LCORL: variants seen among roughly 807,000 people sequenced by gnomAD.
The protein encoded by LCORL is ligand dependent nuclear receptor corepressor like.
Under a neutral mutation model 141.8 loss-of-function variants are expected in LCORL, and 41 were observed. The observed-to-expected ratio is 0.29, with a 90% CI of 0.23 to 0.38. The LOEUF (loss-of-function observed/expected upper bound fraction) is 0.38. Ranked by LOEUF, LCORL falls within the 10% of genes least tolerant of loss-of-function variation. The probability of loss-of-function intolerance (pLI) is 1.00; values close to 1 mark genes in which losing one functional copy is unlikely to be tolerated. For synonymous variants in LCORL, 618 were observed against 694.1 expected (o/e 0.89, Z 1.72); for missense variants, 1,759 against 2,035.0 (o/e 0.86, Z 2.61).
At chr4:18,008,574 TG>T (rs1723179150) in intron 1 of LCORL, among the ~76,000 whole-genome samples, 1 of 152,232 alleles carries the variant, frequency 6.6e-6, no homozygotes, top group Non-Finnish European at 1.5e-5. Flanking sequence ...CAGAAAGACT[TG>T]GGCAAGTCAC....
At chr4:17,997,486 T>C (rs1021760458) in intron 1 of LCORL, among the ~76,000 whole-genome samples, 3 of 152,160 alleles carry the variant, frequency 2.0e-5, no homozygotes, top group Non-Finnish European at 4.4e-5. Context: ...CTTAACATAA[T>C]GCTTTTTCAA....
At chr4:17,995,368 T>C (rs1047224786) in intron 1 of LCORL, among the ~76,000 whole-genome samples, 1 of 152,158 alleles carries the variant, frequency 6.6e-6, no homozygotes, top group African/African-American at 2.4e-5. Context: ...TAAATGGAAC[T>C]ACTGGCATCT....
intron 1 of LCORL, among the ~76,000 whole-genome samples, chr4:17,986,548 C>T (rs1487349337): frequency 6.6e-6 from 1 of 152,136 alleles, no homozygotes. Context: ...GTCTATTCTG[C>T]TGTTACTACT....
At chr4:17,872,259 T>C (rs932180936) in intron 7 of LCORL, among the ~76,000 whole-genome samples, 2 of 152,078 alleles carry the variant, frequency 1.3e-5, no homozygotes, top group Admixed American at 6.6e-5. Flanking sequence ...TAAGAAGAGC[T>C]GGAAATGGCT....
intron 5 of LCORL, among the ~76,000 whole-genome samples, chr4:17,908,085 T>C (rs1731940137): frequency 1.3e-5 from 2 of 151,968 alleles, no homozygotes; most frequent in Admixed American, 1.3e-4. Context: ...CAGGCTGGAG[T>C]GCAATGGTAT....
At chr4:17,893,397 T>A in intron 5 of LCORL, 1 of 973,364 alleles carries the variant, frequency 1.0e-6, no homozygotes, top group Non-Finnish European at 1.2e-6. Flanking sequence ...TTAAAATGAT[T>A]CTGCAGAAAA....
At chr4:17,904,283 C>T (rs1577375624) in intron 5 of LCORL, among the ~76,000 whole-genome samples, 2 of 151,904 alleles carry the variant, frequency 1.3e-5, no homozygotes, top group South Asian at 4.1e-4. Context: ...CTTGTCTTTG[C>T]CTATTTTTCT....
In LCORL at chr4:17,950,569, A is replaced by G. The variant is rs573425913; in HGVS notation, c.430+11334T>C. ...AGGCTTGGAGGAAAATATCACTGCA[A>G]ACAATGAATGGAGTACGGAAGAATC... On this transcript the variant is annotated intron_variant, in intron 4 of 7. Coordinates refer to ENST00000635767, the Ensembl canonical transcript of LCORL. Among the ~76,000 whole-genome samples the G allele has an allele frequency of 3.9e-5, 6 of 152,312 alleles. No homozygotes were observed. In the East Asian group the frequency reaches 1.2e-3, roughly 29 times the overall value.
chr4:17,987,219 C>T (rs1719131362), intron 1 of LCORL, among the ~76,000 whole-genome samples: 1 of 152,132 alleles, frequency 6.6e-6, no homozygotes, highest in Non-Finnish European at 1.5e-5. Context: ...CCATTCATAG[C>T]TTTACTGAGA....
In LCORL at chr4:17,884,466, C is replaced by T. The variant is rs1302858044; in HGVS notation, c.776+1602G>A. 3 of 1,549,552 alleles carry T rather than the reference C, an allele frequency of 1.9e-6. No individual in the cohort carries two copies. The highest frequency in any genetic ancestry group is 2.6e-6 in the Non-Finnish European group (3 of 1,146,080). The stretch of plus-strand genomic sequence containing the variant: ...CTTTTTTCTGTGCGCTCTGCTTGAG[C>T]TCTTGCCCACAAGGCTACTTTTTGC... On this transcript the variant is annotated intron_variant, in intron 6 of 7. Transcript: ENST00000635767. The surrounding 1 kb of genome is among the most constrained non-coding windows in gnomAD (Gnocchi z 4.4).
At chr4:17,987,096 A>C (rs1283604946) in intron 1 of LCORL, among the ~76,000 whole-genome samples, 1 of 151,372 alleles carries the variant, frequency 6.6e-6, no homozygotes, top group Non-Finnish European at 1.5e-5. Flanking sequence ...ATTTTCTTAT[A>C]AACTTATAAA....
At chr4:17,890,394 G>T (rs1728904558) in intron 5 of LCORL, among the ~76,000 whole-genome samples, 1 of 152,030 alleles carries the variant, frequency 6.6e-6, no homozygotes, top group African/African-American at 2.4e-5. Flanking sequence ...GGTATCATTG[G>T]TTGCTTCCAA....
chr4:17,858,729 AAATAATAAT>A (rs567498935), intron 7 of LCORL, among the ~76,000 whole-genome samples: 9 of 149,160 alleles, frequency 6.0e-5, no homozygotes, highest in South Asian at 2.1e-4. Context: ...ACTCCATCTC[AAATAATAAT>A]AATAATAATA....
chr4:17,972,854 T>C (rs1484326969), exon 2 of LCORL: 12 of 1,437,508 alleles, frequency 8.3e-6, no homozygotes, highest in Non-Finnish European at 1.8e-6. Flanking sequence ...GTAGCCGTGG[T>C]CCATAAAGCC....
chr4:18,021,715 C>A lies in LCORL; in HGVS notation c.37G>T (p.Ala13Ser), dbSNP rs1245999811. 3.9e-6 allele frequency: 6 copies of A among 1,525,954 alleles called. No homozygotes were observed. Among genetic ancestry groups the A allele is most frequent in the Non-Finnish European group, 5.3e-6 (6 of 1,137,200 alleles). The allele number at this position is 1,525,954 out of a possible 1,614,324, so 94.5% of individuals were successfully genotyped here. A position where few individuals can be genotyped will look rare whatever the true frequency, so the allele number is the denominator to read the frequency against. Residue 13 changes from alanine to serine, a missense_variant, in exon 1 of 8, where the codon GCC becomes TCC. Physicochemically the swap from Ala to Ser is moderately conservative, Grantham distance 99. Coordinates refer to ENST00000635767, the Ensembl canonical transcript of LCORL. The surrounding 1 kb of genome is among the most constrained non-coding windows in gnomAD (Gnocchi z 5.5). The stretch of plus-strand genomic sequence containing the variant: ...GCGGCGGCGGCGGCGGCAGCAGCGG[C>A]GGCGGCAGCGGCCATTCTCTCTCTT...
intron 5 of LCORL, among the ~76,000 whole-genome samples, chr4:17,897,521 A>G (rs750068222): frequency 2.0e-5 from 3 of 152,044 alleles, no homozygotes; most frequent in Non-Finnish European, 4.4e-5. Flanking sequence ...GTATAGAAAA[A>G]GCAAAATAAA....
intron 1 of LCORL, among the ~76,000 whole-genome samples, chr4:17,977,753 C>A (rs924180118): frequency 4.6e-5 from 7 of 152,136 alleles, no homozygotes; most frequent in Admixed American, 3.9e-4. Context: ...TCCCAAAGAA[C>A]AACAGTTGTT....
chr4:17,942,107 G>A (rs1389687282), intron 4 of LCORL, among the ~76,000 whole-genome samples: 1 of 152,102 alleles, frequency 6.6e-6, no homozygotes, highest in Non-Finnish European at 1.5e-5. Flanking sequence ...TAAGCTTTTA[G>A]ATCTACTATA....
intron 7 of LCORL, among the ~76,000 whole-genome samples, chr4:17,846,219 C>A (rs1722914820): frequency 6.6e-6 from 1 of 152,014 alleles, no homozygotes; most frequent in Admixed American, 6.6e-5. Context: ...TTTAACTTGC[C>A]CTTTTGTGGA....
Sources: allele counts gnomAD v4.1 joint callset (sites outside exome capture counted in the v4.1 genomes callset), GRCh38; gene constraint gnomAD v4.1.1; non-coding constraint Gnocchi (gnomAD v3.1); transcripts MANE v1.5; gene names NCBI Gene and HGNC (gene_info 2026-07-23, HGNC 2026-07-21).